The following SNTG1 variants were observed in gnomAD, a reference collection of about 807,000 sequenced individuals.
SNTG1 encodes the protein gamma-1-syntrophin.
A neutral mutation model predicts 74.7 loss-of-function variants in SNTG1; 39 were observed. That is an observed-to-expected ratio of 0.52 (90% CI 0.40 to 0.68). The LOEUF (loss-of-function observed/expected upper bound fraction) is 0.68, where lower values mean the gene tolerates loss of function less well. Ranked by LOEUF, SNTG1 falls within the 30% of genes least tolerant of loss-of-function variation. The pLI is 0.00. For synonymous variants in SNTG1, 254 were observed against 217.1 expected (o/e 1.17, Z -1.49); for missense variants, 685 against 609.5 (o/e 1.12, Z -1.30).
intron 2 of SNTG1, among the ~76,000 whole-genome samples, chr8:50,176,761 G>T (rs888790307): frequency 6.6e-6 from 1 of 152,190 alleles, no homozygotes; most frequent in Admixed American, 6.5e-5. Flanking sequence ...CATTTCTGTA[G>T]CTCCATTTTG....
chr8:50,316,611 C>T (rs35793711), intron 2 of SNTG1, among the ~76,000 whole-genome samples: 24,093 of 151,964 alleles, frequency 0.16, 2,316 homozygotes, highest in Middle Eastern at 0.28. Flanking sequence ...TGACCTAGGC[C>T]ATATGACAAA....
chr8:50,003,501 AAAG>A lies in SNTG1; in HGVS notation c.-103+91272_-103+91274del, dbSNP rs1317711399. Among the ~76,000 whole-genome samples the A allele has an allele frequency of 2.4e-3, 365 of 152,288 alleles. 4 individuals carry two copies. Among genetic ancestry groups the A allele is most frequent in the African/African-American group, 8.3e-3 (344 of 41,584 alleles). ...AAAACATTCTACTTTATTTAATTTA[AAAG>A]ATAAATTTAAATTTAAGAATAGAAG... On this transcript the variant is annotated intron_variant, in intron 1 of 18. Coordinates refer to ENST00000642720, the MANE Select transcript of SNTG1 (RefSeq NM_018967.5).
At chr8:49,923,292 T>C (rs1040189914) in intron 1 of SNTG1, among the ~76,000 whole-genome samples, 1 of 152,154 alleles carries the variant, frequency 6.6e-6, no homozygotes, top group Non-Finnish European at 1.5e-5. Flanking sequence ...CTTCAAATCT[T>C]ACCCAATCTT....
chr8:49,943,947 A>G (rs756644664), intron 1 of SNTG1, among the ~76,000 whole-genome samples: 1 of 152,182 alleles, frequency 6.6e-6, no homozygotes, highest in Non-Finnish European at 1.5e-5. Context: ...AAGCAGGAAA[A>G]TTTAATCTCA....
chr8:50,420,834 G>C (rs1176808832), intron 4 of SNTG1, among the ~76,000 whole-genome samples: 2 of 151,804 alleles, frequency 1.3e-5, no homozygotes. Flanking sequence ...AGACCATCTT[G>C]GCCAACATGG....
intron 11 of SNTG1, 83 bp from the exon 12 acceptor site, chr8:50,552,967 A>C (rs1563564899): frequency 1.3e-6 from 2 of 1,505,124 alleles, no homozygotes; most frequent in East Asian, 4.6e-5. Context: ...TATGAAAGAT[A>C]AGCTTTTCAA....
chr8:50,341,960 A>T (rs1221857319), intron 2 of SNTG1, among the ~76,000 whole-genome samples: 1 of 152,066 alleles, frequency 6.6e-6, no homozygotes, highest in East Asian at 1.9e-4. Flanking sequence ...GCCTATTTCC[A>T]TATTTTCAGA....
At chr8:50,047,788 T>C (rs1044290536) in intron 1 of SNTG1, among the ~76,000 whole-genome samples, 1 of 152,200 alleles carries the variant, frequency 6.6e-6, no homozygotes, top group African/African-American at 2.4e-5. Flanking sequence ...CTAAGTTAAA[T>C]ATTCTCCATG....
rs576695153 is a variant in SNTG1, at chr8:49,941,167, G to C, written c.-103+28936G>C. On this transcript the variant is annotated intron_variant, in intron 1 of 18. Coordinates refer to ENST00000642720, the MANE Select transcript of SNTG1 (RefSeq NM_018967.5). ...CAAGAGTGGGTGGTTTCACAAAGGG[G>C]GGTTTCCCTTTGACCCTTTCCCTGC... Among the ~76,000 whole-genome samples the C allele has an allele frequency of 4.4e-3, 665 of 152,126 alleles. 8 individuals carry two copies. Among genetic ancestry groups the C allele is most frequent in the Non-Finnish European group, 4.7e-3 (318 of 68,004 alleles).
intron 9 of SNTG1, among the ~76,000 whole-genome samples, chr8:50,523,623 C>T (rs575131547): frequency 6.6e-6 from 1 of 152,100 alleles, no homozygotes; most frequent in East Asian, 1.9e-4. Context: ...AGTTCCTTGC[C>T]TTATGTGGCG....
chr8:50,138,417 A>G (rs1353748415), intron 1 of SNTG1, among the ~76,000 whole-genome samples: 2 of 151,908 alleles, frequency 1.3e-5, no homozygotes, highest in African/African-American at 4.8e-5. Context: ...CAGGAGTTCA[A>G]TACCAGCCTG....
At chr8:49,931,878 A>G (rs1455081371) in intron 1 of SNTG1, among the ~76,000 whole-genome samples, 2 of 152,216 alleles carry the variant, frequency 1.3e-5, no homozygotes, top group Non-Finnish European at 1.5e-5. Flanking sequence ...AAGTAGCACC[A>G]TGGTTGGAAT....
rs1448058163 is a variant in SNTG1 at position 50,224,477 on chromosome 8, G to A, written c.-28+51842G>A. On this transcript the variant is annotated intron_variant, in intron 2 of 18. Transcript: ENST00000642720. Reference sequence around the variant, plus strand: ...GAAGACTCAGGACCCTAGGCCTCAAGGATGTGACTAACACCATTCACACCT... The same window carrying A: ...GAAGACTCAGGACCCTAGGCCTCAAAGATGTGACTAACACCATTCACACCT... Among the ~76,000 whole-genome samples the A allele has an allele frequency of 2.0e-5, 3 of 152,168 alleles. No individual in the cohort carries two copies. The South Asian group carries it at 6.2e-4, about 32-fold the overall frequency.
chr8:50,322,975 G>A (rs1341825125), intron 2 of SNTG1, among the ~76,000 whole-genome samples: 1 of 151,732 alleles, frequency 6.6e-6, no homozygotes, highest in African/African-American at 2.4e-5. Flanking sequence ...AATAAGCCAG[G>A]GGTGGTGGCA....
chr8:50,612,974 C>A (rs76008462), intron 13 of SNTG1, among the ~76,000 whole-genome samples: 3,636 of 151,840 alleles, frequency 0.024, 62 homozygotes, highest in Middle Eastern at 0.037. Context: ...GCCAAGTGTA[C>A]AGGAAAAAAA....
chr8:50,334,633 A>T (rs2091080270), intron 2 of SNTG1, among the ~76,000 whole-genome samples: 1 of 152,206 alleles, frequency 6.6e-6, no homozygotes, highest in African/African-American at 2.4e-5. Flanking sequence ...GGTAGGAAAT[A>T]AAAACAGCAA....
intron 8 of SNTG1, among the ~76,000 whole-genome samples, chr8:50,498,203 T>A (rs75217011): frequency 1.3e-5 from 2 of 151,914 alleles, no homozygotes; most frequent in Non-Finnish European, 2.9e-5. Context: ...CCAAAATCAT[T>A]GTGACATTTT....
chr8:50,131,659 C>A (rs1268695061), intron 1 of SNTG1, among the ~76,000 whole-genome samples: 1 of 152,096 alleles, frequency 6.6e-6, no homozygotes. Context: ...GTATGATTAT[C>A]TCCTCAAAAT....
chr8:50,037,876 G>A (rs1410251683), intron 1 of SNTG1, among the ~76,000 whole-genome samples: 2 of 152,166 alleles, frequency 1.3e-5, no homozygotes, highest in African/African-American at 4.8e-5. Context: ...GAGTGTGGAA[G>A]AATTACTCAA....
Sources: gnomAD v4.1 joint callset for allele counts (sites outside exome capture counted in the v4.1 genomes callset) on GRCh38, gnomAD v4.1.1 for gene constraint, MANE v1.5 for transcripts, NCBI Gene and HGNC (gene_info 2026-07-23, HGNC 2026-07-21) for gene names.